MFSD8: variants seen among roughly 807,000 people sequenced by gnomAD.
The protein encoded by MFSD8 is major facilitator superfamily domain containing 8.
MFSD8 carries 55 observed loss-of-function variants against 66.4 expected under a neutral mutation model. That is an observed-to-expected ratio of 0.83 (90% CI 0.67 to 1.04). The LOEUF is 1.04. Among genes scored for constraint, MFSD8 ranks in the 50% least tolerant of loss-of-function variants. MFSD8 has a pLI of 0.00. For missense variants in MFSD8, 550 were observed against 627.6 expected (o/e 0.88, Z 1.32); for synonymous variants, 202 against 212.8 (o/e 0.95, Z 0.44).
intron 8 of MFSD8, among the ~76,000 whole-genome samples, chr4:127,931,637 G>A (rs562081944): frequency 9.2e-5 from 14 of 152,128 alleles, no homozygotes; most frequent in Non-Finnish European, 2.1e-4. Context: ...GATTACAGGC[G>A]TGAGCCACCG....
intron 7 of MFSD8, among the ~76,000 whole-genome samples, chr4:127,935,863 T>G (rs1186224804): frequency 6.6e-6 from 1 of 152,216 alleles, no homozygotes; most frequent in Non-Finnish European, 1.5e-5. Context: ...GCTACTATAT[T>G]GGGCAGCATA....
At chr4:127,921,187 C>T (rs530179778) in intron 11 of MFSD8, 2 of 569,328 alleles carry the variant, frequency 3.5e-6, no homozygotes, top group Non-Finnish European at 6.2e-6. Flanking sequence ...GTTTCGATGA[C>T]AGGTGTTATG....
intron 4 of MFSD8, among the ~76,000 whole-genome samples, chr4:127,942,523 C>A (rs571549343): frequency 2.4e-4 from 36 of 151,058 alleles, no homozygotes; most frequent in Middle Eastern, 3.4e-3. Flanking sequence ...CGGTGAAACC[C>A]CGTCTCTATT....
At chr4:127,953,735 A>G (rs1297741889) in intron 2 of MFSD8, among the ~76,000 whole-genome samples, 1 of 151,806 alleles carries the variant, frequency 6.6e-6, no homozygotes, top group Non-Finnish European at 1.5e-5. Context: ...CGCCCGCCTC[A>G]GCCTTGCAAA....
chr4:127,938,592 A>T lies in MFSD8; in HGVS notation c.754+191T>A, dbSNP rs4134435. Reference sequence around the variant, plus strand: ...AGCGAAACTCTGTCTCAAAAAAAAAAAAATAAATAAATAAATAAATAAATA... The same window carrying T: ...AGCGAAACTCTGTCTCAAAAAAAAATAAATAAATAAATAAATAAATAAATA... On this transcript the variant is annotated intron_variant, in intron 7 of 11. Coordinates refer to ENST00000641686, the MANE Select transcript of MFSD8 (RefSeq NM_001371596.2). 0.084 allele frequency among the ~76,000 whole-genome samples: 10,932 copies of T among 130,760 alleles called. 540 individuals are homozygous for T. Among genetic ancestry groups the T allele is most frequent in the African/African-American group, 0.098 (3,043 of 31,024 alleles). The allele number at this position is 130,760 out of a possible 152,430, so 85.8% of individuals were successfully genotyped here.
chr4:127,928,899 G>C (rs1737646875), intron 9 of MFSD8, among the ~76,000 whole-genome samples: 1 of 152,086 alleles, frequency 6.6e-6, no homozygotes, highest in South Asian at 2.1e-4. Context: ...ATATTATTCA[G>C]CCATTGAAAC....
intron 6 of MFSD8, chr4:127,939,106 A>G: frequency 3.8e-6 from 1 of 264,380 alleles, no homozygotes; most frequent in African/African-American, 2.2e-5. Flanking sequence ...GAAGTTTTAC[A>G]GTGATTATAA....
chr4:127,962,080 T>G (rs1743872513), intron 1 of MFSD8, among the ~76,000 whole-genome samples: 1 of 152,162 alleles, frequency 6.6e-6, no homozygotes, highest in Non-Finnish European at 1.5e-5. Context: ...TGCTGCCAGA[T>G]TTCAAAAACA....
intron 1 of MFSD8, among the ~76,000 whole-genome samples, chr4:127,961,606 A>G (rs930563968): frequency 3.3e-5 from 5 of 152,080 alleles, no homozygotes; most frequent in African/African-American, 1.2e-4. Flanking sequence ...CGAGGTCAGG[A>G]GATCGAGACC....
chr4:127,961,135 G>C (rs1454067268), intron 1 of MFSD8, among the ~76,000 whole-genome samples: 3 of 152,174 alleles, frequency 2.0e-5, no homozygotes, highest in African/African-American at 7.2e-5. Context: ...AACCTTGTTA[G>C]TGAGGAAAAG....
intron 6 of MFSD8, 70 bp from the exon 7 acceptor site, chr4:127,938,908 G>A (rs183435588): frequency 3.2e-5 from 39 of 1,226,070 alleles, no homozygotes; most frequent in Non-Finnish European, 3.9e-5. Context: ...ATTTATTATC[G>A]GCATTGTATT....
Position 127,949,833 on chromosome 4 carries a change from T to C in MFSD8, c.169A>G (p.Met57Val). ...TGGAGATATGGCCATATGGACATCA[T>C]CACTACAGAAAACCCTGTGAAGAAG... The part of the protein sequence containing the change: ...FLSSVGFSVV[M>V]MSIWPYLQKI... The change falls in exon 3 of 12, where the codon ATG becomes GTG. Residue 57 changes from methionine (M) to valine (V), a missense_variant. Met to Val is a conservative substitution (Grantham distance 21). Coordinates refer to ENST00000641686, the MANE Select transcript of MFSD8 (RefSeq NM_001371596.2). The C allele has an allele frequency of 6.2e-7, 1 of 1,611,766 alleles. No homozygotes were observed. Among genetic ancestry groups the C allele is most frequent in the Non-Finnish European group, 8.5e-7 (1 of 1,178,782 alleles).
chr4:127,932,923 T>A (rs1016062625), intron 8 of MFSD8, 62 bp downstream of exon 8: 1 of 1,437,726 alleles, frequency 7.0e-7, no homozygotes, highest in Admixed American at 1.7e-5. Context: ...CTAATTAACA[T>A]TGCATTAAGA....
chr4:127,960,709 T>G (rs1743599173), intron 1 of MFSD8, among the ~76,000 whole-genome samples: 1 of 152,104 alleles, frequency 6.6e-6, no homozygotes, highest in African/African-American at 2.4e-5. Flanking sequence ...CAAAAAAATT[T>G]TGAAATCATT....
chr4:127,949,901 C>T, intron 2 of MFSD8, 54 bp from the exon 3 acceptor site: 1 of 1,467,710 alleles, frequency 6.8e-7, no homozygotes, highest in Non-Finnish European at 9.4e-7. Flanking sequence ...ATCATTATTA[C>T]AGATACAATT....
chr4:127,947,103 C>G (rs17012810), intron 3 of MFSD8, among the ~76,000 whole-genome samples: 5,371 of 152,002 alleles, frequency 0.035, 321 homozygotes, highest in African/African-American at 0.12. Flanking sequence ...GTGAGAGAAG[C>G]CTTTCCAGGC....
chr4:127,955,465 C>T (rs537204601), intron 2 of MFSD8, among the ~76,000 whole-genome samples: 66 of 150,810 alleles, frequency 4.4e-4, no homozygotes, highest in Admixed American at 7.3e-4. Flanking sequence ...GCTTGAACCC[C>T]GCAGGCGGAG....
At chr4:127,936,126 T>C (rs1423998267) in intron 7 of MFSD8, among the ~76,000 whole-genome samples, 1 of 152,002 alleles carries the variant, frequency 6.6e-6, no homozygotes, top group Admixed American at 6.6e-5. Flanking sequence ...TTTTTTTTTT[T>C]CTTTTTGAGA....
intron 7 of MFSD8, among the ~76,000 whole-genome samples, chr4:127,937,884 T>C (rs765246791): frequency 4.2e-4 from 64 of 152,324 alleles, no homozygotes; most frequent in Non-Finnish European, 7.9e-4. Context: ...TAATACTATG[T>C]CTTTTCCACA....
Sources: allele counts gnomAD v4.1 joint callset (sites outside exome capture counted in the v4.1 genomes callset), GRCh38; gene constraint gnomAD v4.1.1; transcripts MANE v1.5; gene names NCBI Gene and HGNC (gene_info 2026-07-23, HGNC 2026-07-21).